Variants in LRRC9 observed in about 807,000 individuals in gnomAD.
LRRC9 encodes the protein leucine rich repeat containing 9.
A neutral mutation model predicts 63.2 loss-of-function variants in LRRC9; 122 were observed. That is an observed-to-expected ratio of 1.93 (90% confidence interval 1.67 to 2.24). The LOEUF is 2.24. Among genes scored for constraint, LRRC9 ranks in the 30% most tolerant of loss-of-function variants. The pLI, the probability that LRRC9 is intolerant of heterozygous loss-of-function variation, is 0.00. For synonymous variants in LRRC9, 366 were observed against 213.1 expected (o/e 1.72, Z -6.25); for missense variants, 1,071 against 627.7 (o/e 1.71, Z -7.55).
chr14:59,977,175 T>C, intron 13 of LRRC9, 50 bp from the exon 14 acceptor site: 1 of 638,346 alleles, frequency 1.6e-6, no homozygotes, highest in Non-Finnish European at 2.8e-6. Context: ...TGTTGGAAAA[T>C]TATTAAAGTT....
At chr14:59,935,525 A>G (rs1890072061) in intron 6 of LRRC9, among the ~76,000 whole-genome samples, 1 of 152,180 alleles carries the variant, frequency 6.6e-6, no homozygotes, top group Non-Finnish European at 1.5e-5. Flanking sequence ...TCTTTTAGGA[A>G]TCTATTCCAA....
intron 29 of LRRC9, among the ~76,000 whole-genome samples, chr14:60,046,154 GT>G (rs1893405919): frequency 2.0e-5 from 3 of 152,060 alleles, no homozygotes; most frequent in African/African-American, 7.2e-5. Flanking sequence ...TAAGTTCCTT[GT>G]AGACTCTGAA....
At chr14:60,020,453 T>C (rs1266814081) in intron 26 of LRRC9, among the ~76,000 whole-genome samples, 2 of 151,982 alleles carry the variant, frequency 1.3e-5, no homozygotes, top group African/African-American at 2.4e-5. Flanking sequence ...ATCCTATTCA[T>C]ATTTGATTTT....
rs1893082369 is a variant in LRRC9 at position 60,042,917 on chromosome 14, A to G, written c.3991-10148A>G. Among the ~76,000 whole-genome samples the G allele has an allele frequency of 6.6e-6, 1 of 152,024 alleles. No individual in the cohort carries two copies. Among genetic ancestry groups the G allele is most frequent in the East Asian group, 1.9e-4 (1 of 5,192 alleles). On this transcript the variant is annotated intron_variant, in intron 29 of 31. Transcript: ENST00000445360. The surrounding 1 kb of genome is among the most constrained non-coding windows in gnomAD (Gnocchi z 4.2). ...CATTTTAACAATATTAATTATTCCAATCCATGAGCATAGAATAAATTTCCT... is the reference window on the plus strand; with the variant it reads ...CATTTTAACAATATTAATTATTCCAGTCCATGAGCATAGAATAAATTTCCT...
chr14:59,980,859 T>C (rs1886852061), intron 15 of LRRC9, among the ~76,000 whole-genome samples: 1 of 152,214 alleles, frequency 6.6e-6, no homozygotes, highest in South Asian at 2.1e-4. Context: ...TACCTGGCAG[T>C]TGTGACCATT....
intron 29 of LRRC9, among the ~76,000 whole-genome samples, chr14:60,038,199 T>G (rs1187804202): frequency 2.0e-5 from 3 of 152,194 alleles, no homozygotes; most frequent in African/African-American, 7.2e-5. Flanking sequence ...TCAGGTAGCG[T>G]GATGCCTCCA....
chr14:60,023,274 T>G (rs2140296131), intron 27 of LRRC9, among the ~76,000 whole-genome samples: 1 of 152,192 alleles, frequency 6.6e-6, no homozygotes, highest in South Asian at 2.1e-4. Flanking sequence ...TCTGTGGAGA[T>G]GTACTGGGCC....
chr14:59,970,075 A>G (rs1885308908), intron 12 of LRRC9, among the ~76,000 whole-genome samples: 1 of 152,106 alleles, frequency 6.6e-6, no homozygotes, highest in Non-Finnish European at 1.5e-5. Context: ...TATTAAGCCT[A>G]GTACCCATTA....
intron 27 of LRRC9, among the ~76,000 whole-genome samples, chr14:60,025,078 TTA>T (rs894199968): frequency 3.3e-5 from 5 of 151,394 alleles, no homozygotes; most frequent in African/African-American, 7.3e-5. Flanking sequence ...GGTTTTTTTT[TTA>T]TTTTTTATTT....
intron 29 of LRRC9, among the ~76,000 whole-genome samples, chr14:60,032,790 T>C (rs996386536): frequency 1.3e-5 from 2 of 152,144 alleles, no homozygotes. Flanking sequence ...AGAGCTTCTC[T>C]TGGAGAGCAA....
chr14:59,924,650 G>A (rs1889055527), intron 1 of LRRC9, among the ~76,000 whole-genome samples: 1 of 152,088 alleles, frequency 6.6e-6, no homozygotes, highest in Non-Finnish European at 1.5e-5. Flanking sequence ...CAACCAGAGT[G>A]ATCTTTTTCA....
chr14:59,977,747 T>C (rs1244856808), intron 14 of LRRC9, among the ~76,000 whole-genome samples: 1 of 152,006 alleles, frequency 6.6e-6, no homozygotes, highest in Non-Finnish European at 1.5e-5. Flanking sequence ...TAAGCACTAC[T>C]AGTCTATGTA....
At chr14:60,054,033 A>G (rs1156257617) in intron 30 of LRRC9, 1 of 408,444 alleles carries the variant, frequency 2.4e-6, no homozygotes, top group African/African-American at 2.1e-5. Context: ...AGTGAAAACC[A>G]GAAACCAAGG....
intron 17 of LRRC9, among the ~76,000 whole-genome samples, chr14:59,993,914 A>G (rs1298492904): frequency 2.6e-5 from 4 of 152,184 alleles, no homozygotes; most frequent in Non-Finnish European, 5.9e-5. Flanking sequence ...CAAGACAGAA[A>G]GTTAACAAGG....
chr14:60,058,165 C>A lies in LRRC9; in HGVS notation c.4276+143C>A. The A allele has an allele frequency of 2.2e-6, 1 of 453,440 alleles. No homozygotes were observed. Among genetic ancestry groups the A allele is most frequent in the African/African-American group, 1.9e-5 (1 of 51,682 alleles). The allele number at this position is 453,440 out of a possible 1,614,324, so 28.1% of individuals were successfully genotyped here. On this transcript the variant is annotated intron_variant, in intron 31 of 31. Coordinates refer to ENST00000445360, the Ensembl canonical transcript of LRRC9. This position sits in a 1 kb window ranked among gnomAD's most constrained non-coding sequence, Gnocchi z 4.4. ...GCATGTTTGCTCAAGTTTCCTATGG[C>A]CATTTTGATTTCAGAGATTATAGTT...
intron 12 of LRRC9, 96 bp downstream of exon 12, chr14:59,967,309 T>C: frequency 2.1e-6 from 1 of 474,526 alleles, no homozygotes; most frequent in Non-Finnish European, 3.8e-6. Context: ...TATCCATATT[T>C]ATAGTAAATT....
At chr14:59,935,293 CA>C (rs3069508) in intron 6 of LRRC9, among the ~76,000 whole-genome samples, 35,938 of 124,848 alleles carry the variant, frequency 0.29, 4,330 homozygotes, top group East Asian at 0.52. Context: ...GACTAGGTCT[CA>C]AAAAAAAAAA....
chr14:59,931,886 C>G (rs1465808017), intron 5 of LRRC9, 83 bp from the exon 6 acceptor site: 1 of 651,342 alleles, frequency 1.5e-6, no homozygotes, highest in African/African-American at 1.8e-5. Context: ...ATGCAAGAAA[C>G]GATGGCTACA....
At chr14:60,016,787 T>G in exon 24 of LRRC9, 1 of 687,596 alleles carries the variant, frequency 1.5e-6, no homozygotes, top group Non-Finnish European at 2.7e-6. Context: ...TCATCATCTA[T>G]TAGGTACAAT....
Sources: allele counts gnomAD v4.1 joint callset (sites outside exome capture counted in the v4.1 genomes callset), GRCh38; gene constraint gnomAD v4.1.1; non-coding constraint Gnocchi (gnomAD v3.1); transcripts MANE v1.5; gene names NCBI Gene and HGNC (gene_info 2026-07-23, HGNC 2026-07-21).